Variants in CABCOCO1 observed in about 807,000 individuals in gnomAD.
CABCOCO1 encodes ciliary associated calcium binding coiled-coil 1.
CABCOCO1 carries 28 observed loss-of-function variants against 35.7 expected under a neutral mutation model. The ratio of observed to expected loss-of-function variants is 0.78; its 90% CI spans 0.58 to 1.07. The LOEUF is 1.07. Ranked by LOEUF, CABCOCO1 falls within the 50% of genes least tolerant of loss-of-function variation. The pLI is 0.00. For synonymous variants in CABCOCO1, 95 were observed against 100.1 expected, an observed-to-expected ratio of 0.95 and a Z score of 0.30; for missense variants, 326 against 309.2, an observed-to-expected ratio of 1.05 and a Z score of -0.41.
intron 5 of CABCOCO1, among the ~76,000 whole-genome samples, chr10:61,735,120 A>G (rs1296254814): frequency 6.6e-6 from 1 of 152,096 alleles, no homozygotes; most frequent in Non-Finnish European, 1.5e-5. Context: ...AATAGTCTCA[A>G]GAGAATAAAA....
At chr10:61,710,911 C>G (rs1419642963) in intron 5 of CABCOCO1, among the ~76,000 whole-genome samples, 1 of 151,804 alleles carries the variant, frequency 6.6e-6, no homozygotes, top group African/African-American at 2.4e-5. Context: ...ATTCTTAAGC[C>G]ATGGTGGTCA....
intron 5 of CABCOCO1, among the ~76,000 whole-genome samples, chr10:61,730,070 A>C (rs1589144579): frequency 6.6e-6 from 1 of 152,020 alleles, no homozygotes; most frequent in South Asian, 2.1e-4. Context: ...GATAGATCTC[A>C]TGTTGCGTTC....
chr10:61,669,402 T>C (rs1206282970), intron 1 of CABCOCO1, among the ~76,000 whole-genome samples: 4 of 152,090 alleles, frequency 2.6e-5, no homozygotes, highest in Non-Finnish European at 5.9e-5. Context: ...ATTTTCCTAG[T>C]TGGAGATGTA....
chr10:61,755,547 A>G (rs1480729536), intron 5 of CABCOCO1, among the ~76,000 whole-genome samples: 1 of 151,942 alleles, frequency 6.6e-6, no homozygotes, highest in African/African-American at 2.4e-5. Context: ...GCAAACCGGT[A>G]TTTTGTCTAT....
chr10:61,686,415 CA>C lies in CABCOCO1; in HGVS notation c.479+239del, dbSNP rs540158817. Among the ~76,000 whole-genome samples, 54 of 149,162 alleles carry C rather than the reference CA, an allele frequency of 3.6e-4. 1 individual carries two copies. The South Asian group carries it at 8.9e-3, about 25-fold the overall frequency. On this transcript the variant is annotated intron_variant, in intron 4 of 7. Coordinates refer to ENST00000648843, the MANE Select transcript of CABCOCO1 (RefSeq NM_001366906.2). ...AACAGTTTGGCTAACTTTGCATTCC[CA>C]AAAAAAAAGGTTTGCGTTTGATAAA...
intron 3 of CABCOCO1, among the ~76,000 whole-genome samples, chr10:61,683,195 A>G (rs774353538): frequency 5.3e-5 from 8 of 152,082 alleles, no homozygotes; most frequent in African/African-American, 9.7e-5. Context: ...CCGGCCATGA[A>G]TTCCTTATTT....
intron 2 of CABCOCO1, among the ~76,000 whole-genome samples, chr10:61,680,301 G>T (rs1839670193): frequency 7.2e-6 from 1 of 138,050 alleles, no homozygotes; most frequent in African/African-American, 2.7e-5. Flanking sequence ...ATGAAGCAAG[G>T]CCCTGTCTCA....
At chr10:61,690,701 T>A in intron 5 of CABCOCO1, 80 bp downstream of exon 5, 1 of 835,884 alleles carries the variant, frequency 1.2e-6, no homozygotes, top group Non-Finnish European at 1.9e-6. Context: ...TTTAACTGCT[T>A]AAAGCAACTT....
intron 5 of CABCOCO1, among the ~76,000 whole-genome samples, chr10:61,742,884 T>C (rs1440964715): frequency 6.6e-6 from 1 of 152,166 alleles, no homozygotes; most frequent in Non-Finnish European, 1.5e-5. Context: ...ACTCTTCTAG[T>C]CCTGAAAAGG....
Position 61,760,920 on chromosome 10 carries a change from A to G in CABCOCO1, c.733A>G (p.Met245Val). 1 of 1,612,676 alleles carries G rather than the reference A, an allele frequency of 6.2e-7. No individual in the cohort carries two copies. Among genetic ancestry groups the G allele is most frequent in the South Asian group, 1.1e-5 (1 of 91,040 alleles). The change falls in exon 7 of 8, where the codon ATG becomes GTG. Residue 245 changes from methionine to valine, a missense_variant. Met to Val is a conservative substitution (Grantham distance 21). Transcript: ENST00000648843. ...ESQPETDTSD[M>V]DPLVGFTIED... ...TCAGCCAGAAACTGACACCTCAGACATGGATCCTTTAGTTGGTTTTACCAT... is the reference window on the plus strand; with the variant it reads ...TCAGCCAGAAACTGACACCTCAGACGTGGATCCTTTAGTTGGTTTTACCAT...
chr10:61,732,636 T>A (rs1841330045), intron 5 of CABCOCO1, among the ~76,000 whole-genome samples: 1 of 152,078 alleles, frequency 6.6e-6, no homozygotes, highest in Non-Finnish European at 1.5e-5. Context: ...TAGAACCATA[T>A]AATCTGTATC....
chr10:61,667,564 T>G (rs1839228085), intron 1 of CABCOCO1, among the ~76,000 whole-genome samples: 1 of 151,850 alleles, frequency 6.6e-6, no homozygotes, highest in African/African-American at 2.4e-5. Context: ...TTATCAAGTC[T>G]TGTTCTTGAA....
intron 2 of CABCOCO1, among the ~76,000 whole-genome samples, chr10:61,676,241 GA>G (rs1839508753): frequency 6.6e-6 from 1 of 152,098 alleles, no homozygotes; most frequent in South Asian, 2.1e-4. Flanking sequence ...TGGTCTTATT[GA>G]AAAATTTATT....
chr10:61,740,648 T>C (rs183928767), intron 5 of CABCOCO1, among the ~76,000 whole-genome samples: 1 of 152,328 alleles, frequency 6.6e-6, no homozygotes, highest in East Asian at 1.9e-4. Flanking sequence ...AGTGAGAAAT[T>C]ACAACTTCTG....
intron 1 of CABCOCO1, among the ~76,000 whole-genome samples, chr10:61,665,764 G>A (rs1261428390): frequency 6.6e-6 from 1 of 151,738 alleles, no homozygotes; most frequent in East Asian, 1.9e-4. Flanking sequence ...GCGGGCGCCT[G>A]TAGTCCCAGC....
intron 5 of CABCOCO1, among the ~76,000 whole-genome samples, chr10:61,694,874 G>A (rs1394859091): frequency 6.6e-6 from 1 of 152,032 alleles, no homozygotes; most frequent in African/African-American, 2.4e-5. Flanking sequence ...CACGTTTTAG[G>A]AGATCAGCCC....
rs553952532 is a variant in CABCOCO1, at chr10:61,766,016, A to G, written c.*3A>G. 1.9e-6 allele frequency: 3 copies of G among 1,609,730 alleles called. No individual in the cohort carries two copies. Among genetic ancestry groups the G allele is most frequent in the East Asian group, 4.5e-5 (2 of 44,826 alleles). ...TAGAAAAATTGAAAAAGGCCTAAGG[A>G]CTTGGTACAAGGAGAGTGATGCTAA... On this transcript the variant is annotated 3_prime_UTR_variant, in exon 8 of 8. Transcript: ENST00000648843.
intron 2 of CABCOCO1, among the ~76,000 whole-genome samples, chr10:61,679,337 A>C (rs1428245174): frequency 6.7e-6 from 1 of 148,404 alleles, no homozygotes; most frequent in Admixed American, 6.7e-5. Context: ...ATCTATCTAT[A>C]TCTATCTATC....
chr10:61,697,125 A>G (rs183272380), intron 5 of CABCOCO1, among the ~76,000 whole-genome samples: 1 of 152,224 alleles, frequency 6.6e-6, no homozygotes, highest in Admixed American at 6.6e-5. Flanking sequence ...GTTTTTGTGA[A>G]TGTGAATATC....
Sources: allele counts gnomAD v4.1 joint callset (sites outside exome capture counted in the v4.1 genomes callset), GRCh38; gene constraint gnomAD v4.1.1; transcripts MANE v1.5; gene names NCBI Gene and HGNC (gene_info 2026-07-23, HGNC 2026-07-21).